CTNNAL1: variants seen among roughly 807,000 people sequenced by gnomAD.
CTNNAL1 encodes alpha-catulin.
In CTNNAL1, 69 loss-of-function variants were observed where a neutral mutation model predicts 93.6. That is an observed-to-expected ratio of 0.74 (90% CI 0.61 to 0.90). The LOEUF (loss-of-function observed/expected upper bound fraction) is 0.90. CTNNAL1 is among the 40% of genes least tolerant of loss of function. The pLI is 0.00. For synonymous variants in CTNNAL1, 286 were observed against 305.4 expected, an observed-to-expected ratio of 0.94 and a Z score of 0.66; for missense variants, 836 against 862.0, an observed-to-expected ratio of 0.97 and a Z score of 0.38.
chr9:108,983,389 T>A, intron 5 of CTNNAL1, 74 bp from the exon 6 acceptor site: 4 of 1,309,546 alleles, frequency 3.1e-6, no homozygotes, highest in Non-Finnish European at 3.9e-6. Flanking sequence ...ACAGAGAACA[T>A]GTCATGCTAA....
intron 11 of CTNNAL1, 124 bp from the exon 12 acceptor site, chr9:108,955,951 T>C: frequency 3.5e-6 from 2 of 574,448 alleles, no homozygotes; most frequent in Non-Finnish European, 5.8e-6. Flanking sequence ...TTGATAACAG[T>C]CTATTCATTA....
At chr9:109,004,794 T>A (rs57375183) in intron 1 of CTNNAL1, among the ~76,000 whole-genome samples, 10,813 of 149,916 alleles carry the variant, frequency 0.072, 490 homozygotes, top group African/African-American at 0.13. Context: ...TTGAAAAAAA[T>A]AAATAAATAA....
intron 14 of CTNNAL1, 101 bp downstream of exon 14, chr9:108,952,108 T>C (rs1193015634): frequency 1.3e-5 from 13 of 1,002,390 alleles, no homozygotes; most frequent in Non-Finnish European, 1.7e-5. Flanking sequence ...ACCATATATT[T>C]GATACCGACT....
intron 7 of CTNNAL1, among the ~76,000 whole-genome samples, chr9:108,978,086 T>C (rs1831315687): frequency 6.6e-6 from 1 of 152,240 alleles, no homozygotes; most frequent in South Asian, 2.1e-4. Context: ...CATTTGCTAA[T>C]TGCAAATTTG....
In CTNNAL1 at chr9:108,952,482, T is replaced by C; in HGVS notation, c.1642A>G (p.Asn548Asp). Residue 548 changes from asparagine (N) to aspartate (D), a missense_variant, in exon 13 of 19, where the codon AAC (asparagine) becomes GAC (aspartate). Physicochemically the swap from Asn to Asp is conservative, Grantham distance 23. Coordinates refer to ENST00000325551, the MANE Select transcript of CTNNAL1 (RefSeq NM_003798.4). ...TTGTCTGGCTTTAATGATTTCAGGT[T>C]TGCATTATTCTTCTGTGACAATAAA... is the stretch of plus-strand genomic sequence containing the variant. ...SLPKPMKNNA[N>D]LKSLKPDKPD... is the part of the protein sequence containing the mutation. 6.2e-7 allele frequency: 1 copy of C among 1,614,192 alleles called. No homozygotes were observed. The highest frequency in any genetic ancestry group is 8.5e-7 in the Non-Finnish European group (1 of 1,180,028).
At chr9:108,983,038 A>G in intron 6 of CTNNAL1, 107 bp downstream of exon 6, 1 of 1,035,016 alleles carries the variant, frequency 9.7e-7, no homozygotes, top group Non-Finnish European at 1.2e-6. Flanking sequence ...AGATCACACC[A>G]CTGCACTCCA....
At chr9:108,972,864 G>GGGGGGGGGGGGGGGCCCCCCCCCCCCCC in intron 8 of CTNNAL1, 31 bp from the exon 9 acceptor site, 4 of 142,578 alleles carry the variant, frequency 2.8e-5, no homozygotes, top group East Asian at 2.2e-4. Flanking sequence ...GGGGGGGTGG[G>GGGGGGGGGGGGGGGCCCCCCCCCCCCCC]AGGGTGGAGA....
At chr9:108,973,455 A>G (rs1238546137) in intron 8 of CTNNAL1, among the ~76,000 whole-genome samples, 1 of 152,188 alleles carries the variant, frequency 6.6e-6, no homozygotes, top group Non-Finnish European at 1.5e-5. Flanking sequence ...ATACATGACA[A>G]GTAGGACACA....
intron 2 of CTNNAL1, among the ~76,000 whole-genome samples, chr9:108,994,483 A>C (rs1831942496): frequency 6.6e-6 from 1 of 152,234 alleles, no homozygotes; most frequent in Non-Finnish European, 1.5e-5. Context: ...TTGCTTAAAG[A>C]AAATCGAAGG....
chr9:108,977,235 A>G (rs1831292543), intron 7 of CTNNAL1, 187 bp from the exon 8 acceptor site: 3 of 357,536 alleles, frequency 8.4e-6, no homozygotes, highest in South Asian at 1.9e-4. Flanking sequence ...ATATTTTTCA[A>G]TGCTAACTAC....
Position 108,955,812 on chromosome 9 carries a change from T to C in CTNNAL1, c.1607A>G (p.Tyr536Cys). 3 of 1,601,718 alleles carry C rather than the reference T, an allele frequency of 1.9e-6. No homozygotes were observed. The highest frequency in any genetic ancestry group is 1.7e-6 in the Non-Finnish European group (2 of 1,174,088). ...TACCATTGGCTTTGGAAGTGAAAGG[T>C]AGCCATACTTCTCTCCTACAAATAA... ...FEGRRGEKYGYLSLPKPMKNN... is the reference protein window; with the variant it reads ...FEGRRGEKYGCLSLPKPMKNN... Residue 536 changes from tyrosine to cysteine, a missense_variant, in exon 12 of 19, where the codon TAC becomes TGC. Physicochemically the swap from Tyr to Cys is radical, Grantham distance 194. Transcript: ENST00000325551.
At chr9:108,943,071 A>G (rs978203980) in intron 17 of CTNNAL1, 27 bp from the exon 18 acceptor site, 1 of 1,580,048 alleles carries the variant, frequency 6.3e-7, no homozygotes. Context: ...CATGCAAATG[A>G]TATTCTAAAA....
chr9:108,958,063 CAAAAAAAA>C (rs11291554), intron 11 of CTNNAL1, among the ~76,000 whole-genome samples: 1 of 85,116 alleles, frequency 1.2e-5, no homozygotes, highest in Non-Finnish European at 2.2e-5. Flanking sequence ...AAGACTGTCT[CAAAAAAAA>C]AAAAAAAAAA....
At chr9:108,994,497 T>C (rs1480565675) in intron 2 of CTNNAL1, among the ~76,000 whole-genome samples, 2 of 152,074 alleles carry the variant, frequency 1.3e-5, no homozygotes, top group Non-Finnish European at 2.9e-5. Flanking sequence ...TCGAAGGGCA[T>C]TGGAAGAGAG....
Position 108,952,350 on chromosome 9 carries a change from A to G in CTNNAL1, c.1694T>C (p.Ile565Thr), listed in dbSNP as rs1482381054. The change falls in exon 14 of 19, where the codon ATA (isoleucine) becomes ACA (threonine). Residue 565 changes from isoleucine (I) to threonine (T), a missense_variant. Ile to Thr is a moderately conservative substitution (Grantham distance 89). Coordinates refer to ENST00000325551, the MANE Select transcript of CTNNAL1 (RefSeq NM_003798.4). ...DKPDSEEQAK[I>T]AKLGLKLGLL... ...ACCCAGCTTAAGTCCAAGCTTTGCT[A>G]TCTTGGCTTGCTCCTATGAAACAGA... 4 of 1,614,168 alleles carry G rather than the reference A, an allele frequency of 2.5e-6. No individual in the cohort carries two copies. In the Admixed American group the frequency reaches 6.7e-5, roughly 27 times the overall value.
chr9:108,953,825 G>C (rs569343663), intron 12 of CTNNAL1, among the ~76,000 whole-genome samples: 3 of 151,914 alleles, frequency 2.0e-5, no homozygotes, highest in African/African-American at 7.3e-5. Context: ...CACACACACA[G>C]AGAGAAAGAG....
At chr9:108,975,396 A>G (rs539229902) in intron 8 of CTNNAL1, among the ~76,000 whole-genome samples, 2 of 152,148 alleles carry the variant, frequency 1.3e-5, no homozygotes, top group Non-Finnish European at 2.9e-5. Flanking sequence ...CATGAGAGTG[A>G]GAGTCCACTG....
At chr9:108,961,689 A>T (rs1386510519) in intron 11 of CTNNAL1, among the ~76,000 whole-genome samples, 1 of 152,228 alleles carries the variant, frequency 6.6e-6, no homozygotes, top group Non-Finnish European at 1.5e-5. Flanking sequence ...AAACAGGCAT[A>T]GGATGTGCAA....
chr9:108,984,995 C>A (rs112976880), intron 4 of CTNNAL1, among the ~76,000 whole-genome samples: 4 of 152,256 alleles, frequency 2.6e-5, no homozygotes, highest in South Asian at 2.1e-4. Context: ...TTTTCCCCAA[C>A]AAGATTGAAA....
Sources: allele counts gnomAD v4.1 joint callset (sites outside exome capture counted in the v4.1 genomes callset), GRCh38; gene constraint gnomAD v4.1.1; transcripts MANE v1.5; gene names NCBI Gene and HGNC (gene_info 2026-07-23, HGNC 2026-07-21).